Variants in NALCN observed in about 807,000 individuals in gnomAD.
NALCN encodes the protein sodium leak channel NALCN.
In NALCN, 111 loss-of-function variants were observed where a neutral mutation model predicts 225.3. The observed-to-expected ratio is 0.49, with a 90% CI of 0.42 to 0.58. The LOEUF (loss-of-function observed/expected upper bound fraction) is 0.58, where lower values mean the gene tolerates loss of function less well. Ranked by LOEUF, NALCN falls within the 20% of genes least tolerant of loss-of-function variation. NALCN has a pLI of 0.00. For synonymous variants in NALCN, 764 were observed against 769.0 expected (o/e 0.99, Z 0.11); for missense variants, 1,378 against 2,202.4 (o/e 0.63, Z 7.49).
intron 22 of NALCN, among the ~76,000 whole-genome samples, chr13:101,106,628 G>A (rs563742651): frequency 1.3e-4 from 20 of 152,192 alleles, no homozygotes; most frequent in Middle Eastern, 3.4e-3. Flanking sequence ...TCATGGGGGC[G>A]GTTCCCCCAT....
intron 1 of NALCN, among the ~76,000 whole-genome samples, chr13:101,413,641 C>A (rs1425501506): frequency 6.6e-6 from 1 of 152,084 alleles, no homozygotes; most frequent in Non-Finnish European, 1.5e-5. Context: ...ACAAAAAACA[C>A]ACAGATATTG....
At chr13:101,075,827 A>G (rs1241502933) in intron 35 of NALCN, 46 bp downstream of exon 35, 2 of 1,498,020 alleles carry the variant, frequency 1.3e-6, no homozygotes, top group Non-Finnish European at 1.8e-6. Context: ...TTCTTTCATT[A>G]ACACATATAT....
chr13:101,149,015 T>C (rs532148905), intron 15 of NALCN, among the ~76,000 whole-genome samples: 9 of 152,296 alleles, frequency 5.9e-5, no homozygotes, highest in Non-Finnish European at 7.4e-5. Flanking sequence ...TTTTGTAGGC[T>C]GGGCGCAGTG....
Position 101,100,806 on chromosome 13 carries a change from T to C in NALCN, c.3140A>G (p.Asn1047Ser). The C allele has an allele frequency of 6.2e-7, 1 of 1,610,328 alleles. No individual in the cohort carries two copies. The highest frequency in any genetic ancestry group is 1.1e-5 in the South Asian group (1 of 90,362). Residue 1047 changes from asparagine to serine, a missense_variant, in exon 27 of 44, where the codon AAT becomes AGT. Asn to Ser is a conservative substitution (Grantham distance 46). Transcript: ENST00000251127. ...TACCCTTCTAATAATGTTGGGATCA[T>C]TGCACTTGGCCAGTTTTCCAGCAAA... ...QLFAGKLAKC[N>S]DPNIIRREDC...
intron 7 of NALCN, among the ~76,000 whole-genome samples, chr13:101,295,625 C>T (rs913435601): frequency 6.6e-6 from 1 of 152,006 alleles, no homozygotes; most frequent in Non-Finnish European, 1.5e-5. Context: ...AAACAGAAAC[C>T]CACAGTACAG....
At chr13:101,368,535 T>C (rs948183321) in intron 6 of NALCN, 1 of 152,190 alleles carries the variant, frequency 6.6e-6, no homozygotes, top group South Asian at 2.1e-4. Context: ...CAGAAAAGTT[T>C]AAAAATTTTC....
At position 101,324,455 on chromosome 13, in the gene NALCN, C is replaced by T. The variant is rs578109341; in HGVS notation, c.799+20811G>A. On this transcript the variant is annotated intron_variant, in intron 7 of 43. Transcript: ENST00000251127. ...AACAACTTTAGTTTTTAACAATTGTCGAGCAGTGGTTTGTAGTTCTCCTTG... is the reference window on the plus strand; with the variant it reads ...AACAACTTTAGTTTTTAACAATTGTTGAGCAGTGGTTTGTAGTTCTCCTTG... 5.9e-5 allele frequency among the ~76,000 whole-genome samples: 9 copies of T among 152,238 alleles called. No individual in the cohort carries two copies. The East Asian group carries it at 1.4e-3, about 23-fold the overall frequency.
intron 17 of NALCN, among the ~76,000 whole-genome samples, chr13:101,134,159 G>C (rs1008831204): frequency 2.0e-5 from 3 of 152,030 alleles, no homozygotes; most frequent in Admixed American, 1.3e-4. Flanking sequence ...CACAGAGCGA[G>C]ACTCTGTCTC....
chr13:101,108,347 G>C (rs1423810439), intron 20 of NALCN, among the ~76,000 whole-genome samples: 1 of 152,028 alleles, frequency 6.6e-6, no homozygotes, highest in African/African-American at 2.4e-5. Flanking sequence ...TGCAGGATAT[G>C]GCAAGTGGAA....
At chr13:101,111,954 C>G (rs1420790202) in intron 18 of NALCN, among the ~76,000 whole-genome samples, 2 of 152,062 alleles carry the variant, frequency 1.3e-5, no homozygotes, top group Admixed American at 1.3e-4. Context: ...CTAATAAACC[C>G]CCTTTGGGAA....
Position 101,187,986 on chromosome 13 carries a change from T to G in NALCN, c.1764+3931A>C, listed in dbSNP as rs938961847. On this transcript the variant is annotated intron_variant, in intron 14 of 43. Transcript: ENST00000251127. ...GTGGGCTGGATTTGGTATCTGGGCT[T>G]GCAGGTCCCTAGTATAGAGCAATTT... Among the ~76,000 whole-genome samples the G allele has an allele frequency of 7.9e-5, 12 of 152,172 alleles. No individual in the cohort carries two copies. The East Asian group carries it at 2.3e-3, about 29-fold the overall frequency.
intron 12 of NALCN, among the ~76,000 whole-genome samples, chr13:101,230,390 T>C (rs1266394885): frequency 1.3e-5 from 2 of 152,198 alleles, no homozygotes; most frequent in Non-Finnish European, 2.9e-5. Flanking sequence ...CATTTTCTCT[T>C]TCCTCCTTTA....
rs1327666137 is a variant in NALCN, at chr13:101,089,576, C to G, written c.3489+87G>C. On this transcript the variant is annotated intron_variant, in intron 30 of 43. Transcript: ENST00000251127. This position sits in a 1 kb window ranked among gnomAD's most constrained non-coding sequence, Gnocchi z 4.7. Reference sequence around the variant, plus strand: ...GTCACATTACAGTTTAAAGCGGCTTCACGCCGCGTGTGAAAAGAAACAAAT... The same window carrying G: ...GTCACATTACAGTTTAAAGCGGCTTGACGCCGCGTGTGAAAAGAAACAAAT... 2.5e-6 allele frequency: 3 copies of G among 1,187,220 alleles called. No homozygotes were observed. The highest frequency in any genetic ancestry group is 3.7e-6 in the Non-Finnish European group (3 of 818,152). The allele number at this position is 1,187,220 out of a possible 1,614,324, so 73.5% of individuals were successfully genotyped here. A position where few individuals can be genotyped will look rare whatever the true frequency, so the allele number is the denominator to read the frequency against.
At chr13:101,259,639 G>A (rs1321333172) in intron 10 of NALCN, among the ~76,000 whole-genome samples, 1 of 150,504 alleles carries the variant, frequency 6.6e-6, no homozygotes, top group Non-Finnish European at 1.5e-5. Context: ...TGGCCATAAT[G>A]AGTATTATTA....
chr13:101,330,825 T>C (rs1213420341), intron 7 of NALCN, among the ~76,000 whole-genome samples: 2 of 152,162 alleles, frequency 1.3e-5, no homozygotes, highest in African/African-American at 4.8e-5. Context: ...GACGGTTTTA[T>C]AAAGGGCAGT....
At chr13:101,108,591 G>A (rs1415667372) in intron 20 of NALCN, among the ~76,000 whole-genome samples, 1 of 152,136 alleles carries the variant, frequency 6.6e-6, no homozygotes, top group African/African-American at 2.4e-5. Context: ...AGGTGAGGGT[G>A]CAGGCTGTGG....
intron 27 of NALCN, among the ~76,000 whole-genome samples, chr13:101,099,935 C>G (rs1344521862): frequency 4.6e-5 from 7 of 152,134 alleles, no homozygotes; most frequent in Non-Finnish European, 8.8e-5. Context: ...TATATTGCAA[C>G]TGATCCAAGA....
intron 1 of NALCN, among the ~76,000 whole-genome samples, chr13:101,404,832 C>T (rs2047572036): frequency 6.6e-6 from 1 of 152,188 alleles, no homozygotes; most frequent in Non-Finnish European, 1.5e-5. Flanking sequence ...ATCTGTGCCC[C>T]TTCCTTGTCT....
chr13:101,120,679 C>T (rs940444564), intron 18 of NALCN, among the ~76,000 whole-genome samples: 4 of 152,074 alleles, frequency 2.6e-5, no homozygotes, highest in African/African-American at 9.7e-5. Context: ...TCTTAGATCA[C>T]CCAAGTCAAG....
Sources: gnomAD v4.1 joint callset for allele counts (sites outside exome capture counted in the v4.1 genomes callset) on GRCh38, gnomAD v4.1.1 for gene constraint, Gnocchi (gnomAD v3.1) non-coding constraint, MANE v1.5 for transcripts, NCBI Gene and HGNC (gene_info 2026-07-23, HGNC 2026-07-21) for gene names.